The following RALGAPA1 variants were observed in gnomAD, a reference collection of about 807,000 sequenced individuals.
RALGAPA1 encodes Ral GTPase activating protein catalytic subunit alpha 1.
A neutral mutation model predicts 269.6 loss-of-function variants in RALGAPA1; 52 were observed. The observed-to-expected ratio is 0.19, with a 90% CI of 0.15 to 0.24. The LOEUF is 0.24. Ranked by LOEUF, RALGAPA1 falls within the 10% of genes least tolerant of loss-of-function variation. The pLI is 1.00. For missense variants in RALGAPA1, 1,917 were observed against 3,013.9 expected (o/e 0.64, Z 8.52); for synonymous variants, 817 against 1,008.3 (o/e 0.81, Z 3.60).
Position 35,791,510 on chromosome 14 carries a change from G to A in RALGAPA1, c.107-15765C>T, listed in dbSNP as rs1271904226. On this transcript the variant is annotated intron_variant, in intron 1 of 41. Coordinates refer to ENST00000680220, the MANE Select transcript of RALGAPA1 (RefSeq NM_001346249.2). ...TAATCCCAGCAACTCGGGAGGCTGA[G>A]GCAGGAGAATTGCTTGAACCTGGGA... Among the ~76,000 whole-genome samples the A allele has an allele frequency of 3.3e-5, 5 of 152,038 alleles. No individual in the cohort carries two copies. In the East Asian group the frequency reaches 7.7e-4, roughly 23 times the overall value.
intron 6 of RALGAPA1, among the ~76,000 whole-genome samples, chr14:35,758,340 T>C (rs2073386930): frequency 6.6e-6 from 1 of 150,694 alleles, no homozygotes; most frequent in Admixed American, 6.6e-5. Flanking sequence ...ACCACTGTCA[T>C]CATACAGAAG....
chr14:35,618,259 A>T (rs111466213), intron 35 of RALGAPA1, among the ~76,000 whole-genome samples: 4 of 152,306 alleles, frequency 2.6e-5, no homozygotes, highest in African/African-American at 9.6e-5. Flanking sequence ...ATCTAACACA[A>T]CGAGAAGCCA....
At chr14:35,730,930 C>T (rs12587569) in intron 12 of RALGAPA1, among the ~76,000 whole-genome samples, 3,372 of 152,326 alleles carry the variant, frequency 0.022, 122 homozygotes, top group South Asian at 0.14. Flanking sequence ...GGCCAACCAC[C>T]ACAAAAACAG....
intron 27 of RALGAPA1, among the ~76,000 whole-genome samples, chr14:35,663,751 G>A (rs1273707299): frequency 1.3e-5 from 2 of 152,008 alleles, no homozygotes; most frequent in South Asian, 4.2e-4. Flanking sequence ...CACCATGCCC[G>A]GCTAATTTTT....
At chr14:35,784,273 G>C (rs2075652824) in intron 1 of RALGAPA1, among the ~76,000 whole-genome samples, 1 of 152,064 alleles carries the variant, frequency 6.6e-6, no homozygotes, top group South Asian at 2.1e-4. Context: ...TCCATACAAT[G>C]AATATTATCT....
chr14:35,793,694 C>T (rs2076358288), intron 1 of RALGAPA1, among the ~76,000 whole-genome samples: 1 of 152,132 alleles, frequency 6.6e-6, no homozygotes, highest in Non-Finnish European at 1.5e-5. Context: ...ATACTGAAAG[C>T]TTGTAACCCA....
chr14:35,735,315 C>T (rs550531743), intron 12 of RALGAPA1, among the ~76,000 whole-genome samples: 6 of 152,282 alleles, frequency 3.9e-5, no homozygotes, highest in African/African-American at 1.4e-4. Context: ...AACCCAAATA[C>T]CCATCAATCA....
At chr14:35,682,872 G>C (rs1214615233) in intron 21 of RALGAPA1, among the ~76,000 whole-genome samples, 2 of 152,116 alleles carry the variant, frequency 1.3e-5, no homozygotes, top group Non-Finnish European at 2.9e-5. Context: ...GGCTGCTAAA[G>C]TTCTTGCCAT....
At chr14:35,576,916 A>G (rs1189449200) in intron 37 of RALGAPA1, among the ~76,000 whole-genome samples, 1 of 152,256 alleles carries the variant, frequency 6.6e-6, no homozygotes, top group Non-Finnish European at 1.5e-5. Flanking sequence ...ACAATCACTC[A>G]TGAATATACT....
chr14:35,549,332 TAATA>T (rs1322037692), intron 39 of RALGAPA1, 98 bp from the exon 40 acceptor site: 2 of 1,221,462 alleles, frequency 1.6e-6, no homozygotes, highest in East Asian at 5.0e-5. Flanking sequence ...CATTACTTCT[TAATA>T]AATAGAATTA....
intron 31 of RALGAPA1, among the ~76,000 whole-genome samples, chr14:35,645,192 A>C (rs1378409098): frequency 1.3e-5 from 2 of 152,054 alleles, no homozygotes; most frequent in African/African-American, 4.8e-5. Flanking sequence ...TCTTCTTATA[A>C]GGGCACTAAT....
At chr14:35,649,189 A>G (rs2062655184) in intron 31 of RALGAPA1, among the ~76,000 whole-genome samples, 1 of 152,204 alleles carries the variant, frequency 6.6e-6, no homozygotes, top group Non-Finnish European at 1.5e-5. Context: ...TCACTGCTCC[A>G]ACAAAGCTGC....
chr14:35,707,328 T>C (rs1356434588), intron 16 of RALGAPA1: 1 of 152,208 alleles, frequency 6.6e-6, no homozygotes, highest in African/African-American at 2.4e-5. Context: ...TTTATTTCCT[T>C]TTCCTGTCTT....
intron 38 of RALGAPA1, among the ~76,000 whole-genome samples, chr14:35,571,319 A>C (rs1276336414): frequency 6.6e-6 from 1 of 152,200 alleles, no homozygotes; most frequent in East Asian, 1.9e-4. Flanking sequence ...AGCTCTGGAT[A>C]AGATGGTAAA....
At chr14:35,605,802 T>A in intron 35 of RALGAPA1, 93 bp from the exon 36 acceptor site, 1 of 1,407,214 alleles carries the variant, frequency 7.1e-7, no homozygotes, top group South Asian at 1.4e-5. Context: ...TATGTAGCAA[T>A]AAAAAGATGA....
intron 35 of RALGAPA1, among the ~76,000 whole-genome samples, chr14:35,619,523 G>A (rs976057587): frequency 4.0e-4 from 61 of 152,236 alleles, no homozygotes; most frequent in Non-Finnish European, 7.8e-4. Flanking sequence ...AGAGATAAGA[G>A]ACACAAAAAA....
chr14:35,794,679 A>G (rs189362423), intron 1 of RALGAPA1, among the ~76,000 whole-genome samples: 226 of 152,178 alleles, frequency 1.5e-3, no homozygotes, highest in Non-Finnish European at 2.7e-3. Context: ...GGATGGTCTC[A>G]TCTCCTGACC....
intron 16 of RALGAPA1, among the ~76,000 whole-genome samples, chr14:35,709,609 A>AT (rs921503152): frequency 2.4e-4 from 36 of 150,718 alleles, no homozygotes; most frequent in African/African-American, 8.0e-4. Flanking sequence ...CTTACTTTGG[A>AT]TTTTTTTTCT....
intron 33 of RALGAPA1, among the ~76,000 whole-genome samples, chr14:35,634,339 T>A (rs1457430769): frequency 6.6e-6 from 1 of 152,220 alleles, no homozygotes; most frequent in African/African-American, 2.4e-5. Flanking sequence ...TCTGGTCCCA[T>A]GCATTTCAGA....
Sources: allele counts gnomAD v4.1 joint callset (sites outside exome capture counted in the v4.1 genomes callset), GRCh38; gene constraint gnomAD v4.1.1; transcripts MANE v1.5; gene names NCBI Gene and HGNC (gene_info 2026-07-23, HGNC 2026-07-21).